The following USH2A variants were observed in gnomAD, a reference collection of about 807,000 sequenced individuals.
USH2A encodes Usher syndrome 2A (autosomal recessive, mild).
In USH2A, 443 loss-of-function variants were observed where a neutral mutation model predicts 538.9. The observed-to-expected ratio is 0.82, with a 90% CI of 0.76 to 0.89. The LOEUF (loss-of-function observed/expected upper bound fraction) is 0.89, where lower values mean the gene tolerates loss of function less well. Among genes scored for constraint, USH2A ranks in the 40% least tolerant of loss-of-function variants. USH2A has a pLI of 0.00. For synonymous variants in USH2A, 2,413 were observed against 2,273.5 expected, an observed-to-expected ratio of 1.06 and a Z score of -1.75; for missense variants, 6,633 against 6,324.8, an observed-to-expected ratio of 1.05 and a Z score of -1.65.
At chr1:216,377,233 C>A (rs2038838861) in intron 3 of USH2A, among the ~76,000 whole-genome samples, 1 of 151,810 alleles carries the variant, frequency 6.6e-6, no homozygotes, top group Non-Finnish European at 1.5e-5. Context: ...AGAATAATAC[C>A]ATTATTGTGG....
At chr1:216,348,325 A>T (rs1337422929) in intron 4 of USH2A, among the ~76,000 whole-genome samples, 1 of 152,176 alleles carries the variant, frequency 6.6e-6, no homozygotes, top group African/African-American at 2.4e-5. Flanking sequence ...ATCTTGACTT[A>T]TAAAGCCAAT....
chr1:215,945,302 C>G (rs373631647), intron 37 of USH2A, among the ~76,000 whole-genome samples: 1 of 152,062 alleles, frequency 6.6e-6, no homozygotes, highest in African/African-American at 2.4e-5. Context: ...CCAGCCTGGA[C>G]AATTATAGAA....
At chr1:216,391,018 A>C (rs1388488453) in intron 3 of USH2A, among the ~76,000 whole-genome samples, 1 of 152,236 alleles carries the variant, frequency 6.6e-6, no homozygotes, top group African/African-American at 2.4e-5. Context: ...ATGCAATATT[A>C]GGGAAGGTAA....
At chr1:216,326,636 C>T (rs7523980) in intron 5 of USH2A, among the ~76,000 whole-genome samples, 92 of 152,270 alleles carry the variant, frequency 6.0e-4, no homozygotes, top group African/African-American at 2.2e-3. Flanking sequence ...ACACCTAACA[C>T]TGTGTTCCAG....
At chr1:216,359,189 A>C (rs115239502) in intron 4 of USH2A, among the ~76,000 whole-genome samples, 107 of 152,228 alleles carry the variant, frequency 7.0e-4, no homozygotes, top group Non-Finnish European at 1.3e-3. Context: ...GAGCATACAC[A>C]AACTAAAGTA....
At chr1:216,124,392 A>G (rs1386889731) in intron 21 of USH2A, among the ~76,000 whole-genome samples, 2 of 152,120 alleles carry the variant, frequency 1.3e-5, no homozygotes, top group Non-Finnish European at 2.9e-5. Flanking sequence ...GGTACTGCAT[A>G]TACTGAACAA....
intron 3 of USH2A, among the ~76,000 whole-genome samples, chr1:216,386,973 C>T (rs1409588120): frequency 6.6e-6 from 1 of 152,190 alleles, no homozygotes; most frequent in Non-Finnish European, 1.5e-5. Flanking sequence ...AGAACTTTAT[C>T]ACAGAACAAC....
At chr1:216,169,685 T>A (rs565610284) in intron 21 of USH2A, among the ~76,000 whole-genome samples, 1 of 152,286 alleles carries the variant, frequency 6.6e-6, no homozygotes, top group South Asian at 2.1e-4. Flanking sequence ...TCTCTTCTGA[T>A]TGTTTCATAA....
Position 215,888,768 on chromosome 1 carries a change from G to A in USH2A, c.7881C>T (p.Ile2627=). The part of the protein sequence containing the change: ...VWTLPGAPEG[I]PSPELFSDTP... ...TATCAGAGAACAGCTCTGGACTTGGGATCCCTTCCGGTGCCCCTGGGAGTG... is the reference window on the plus strand; with the variant it reads ...TATCAGAGAACAGCTCTGGACTTGGAATCCCTTCCGGTGCCCCTGGGAGTG... Residue 2627 remains isoleucine (I), a synonymous_variant, in exon 41 of 72, where the codon ATC becomes ATT. Transcript: ENST00000307340. 2 of 1,614,128 alleles carry A rather than the reference G, an allele frequency of 1.2e-6. No homozygotes were observed. Among genetic ancestry groups the A allele is most frequent in the South Asian group, 1.1e-5 (1 of 91,076 alleles).
chr1:216,115,943 C>T (rs2032998005), intron 21 of USH2A, among the ~76,000 whole-genome samples: 1 of 151,692 alleles, frequency 6.6e-6, no homozygotes, highest in South Asian at 2.1e-4. Context: ...ATTTTACCTT[C>T]ATACCTTGTA....
chr1:216,290,130 G>A (rs1263831840), intron 10 of USH2A, among the ~76,000 whole-genome samples: 1 of 152,078 alleles, frequency 6.6e-6, no homozygotes, highest in African/African-American at 2.4e-5. Context: ...AACGTGACTA[G>A]TGTATAAGAT....
rs549973321 is a variant in USH2A at position 216,261,924 on chromosome 1, C to T, written c.1972-10826G>A. Reference sequence around the variant, plus strand: ...ATGTCACTGCTGCCACAAACTCCCACAGGTTAGGTCAGTGAAGCATTCACA... The same window carrying T: ...ATGTCACTGCTGCCACAAACTCCCATAGGTTAGGTCAGTGAAGCATTCACA... On this transcript the variant is annotated intron_variant, in intron 11 of 71. Transcript: ENST00000307340. Among the ~76,000 whole-genome samples, 9 of 152,268 alleles carry T rather than the reference C, an allele frequency of 5.9e-5. No individual in the cohort carries two copies. In the East Asian group the frequency reaches 1.7e-3, roughly 30 times the overall value.
rs375598314 is a variant in USH2A at position 216,058,911 on chromosome 1, A to C, written c.6050-10264T>G. On this transcript the variant is annotated intron_variant, in intron 30 of 71. Coordinates refer to ENST00000307340, the MANE Select transcript of USH2A (RefSeq NM_206933.4). ...TGAGCAAGGTAGTGAACGAGGCTTAAAATAAATATGAAACATGAAACTTGT... is the reference window on the plus strand; with the variant it reads ...TGAGCAAGGTAGTGAACGAGGCTTACAATAAATATGAAACATGAAACTTGT... Among the ~76,000 whole-genome samples the C allele has an allele frequency of 2.6e-5, 4 of 152,314 alleles. No homozygotes were observed. In the South Asian group the frequency reaches 8.3e-4, roughly 32 times the overall value.
chr1:216,131,296 A>G (rs773228926), intron 21 of USH2A, among the ~76,000 whole-genome samples: 17 of 151,992 alleles, frequency 1.1e-4, no homozygotes, highest in Admixed American at 3.9e-4. Context: ...TTTGCTGTGC[A>G]AAAGCTCTTT....
At chr1:215,674,055 G>T (rs1291035501) in intron 63 of USH2A, 45 bp downstream of exon 63, 3 of 1,613,474 alleles carry the variant, frequency 1.9e-6, no homozygotes, top group Non-Finnish European at 1.7e-6. Context: ...CAATAGAAAG[G>T]TCAGCAGTGG....
intron 15 of USH2A, among the ~76,000 whole-genome samples, chr1:216,211,835 T>C (rs143192636): frequency 2.8e-4 from 43 of 152,286 alleles, no homozygotes; most frequent in African/African-American, 1.0e-3. Flanking sequence ...AAAATGCATT[T>C]GACCCTTTCA....
chr1:215,988,959 G>A (rs890076187), intron 35 of USH2A, among the ~76,000 whole-genome samples: 6 of 152,200 alleles, frequency 3.9e-5, no homozygotes, highest in Non-Finnish European at 7.3e-5. Context: ...ACTTTCACGA[G>A]TAGGAGATGA....
rs577153619 is a variant in USH2A at position 215,762,818 on chromosome 1, C to T, written c.11048-2975G>A. Among the ~76,000 whole-genome samples the T allele has an allele frequency of 2.5e-3, 379 of 152,102 alleles. 2 individuals are homozygous for T. Among genetic ancestry groups the T allele is most frequent in the Non-Finnish European group, 2.6e-3 (174 of 67,988 alleles). ...AAATGAATAGTAGGGAGGGAAGTAA[C>T]CTAGGAGGATGGGGTGGGGTAAACT... On this transcript the variant is annotated intron_variant, in intron 56 of 71. Transcript: ENST00000307340.
rs908735622 is a variant in USH2A at position 215,675,120 on chromosome 1, T to C, written c.12791A>G (p.Glu4264Gly). 1 of 1,614,038 alleles carries C rather than the reference T, an allele frequency of 6.2e-7. No homozygotes were observed. Among genetic ancestry groups the C allele is most frequent in the Non-Finnish European group, 8.5e-7 (1 of 1,179,996 alleles). ...NVVRTLQAPP[E>G]GLSPPVISYV... ...GGATATCACAGGTGGAGAGAGACCT[T>C]CTGGAGGTGCTTGCAATGTCCTCAC... Residue 4264 changes from glutamate to glycine, a missense_variant, in exon 63 of 72, where the codon GAA becomes GGA. Transcript: ENST00000307340.
Sources: gnomAD v4.1 joint callset for allele counts (sites outside exome capture counted in the v4.1 genomes callset) on GRCh38, gnomAD v4.1.1 for gene constraint, MANE v1.5 for transcripts, NCBI Gene and HGNC (gene_info 2026-07-23, HGNC 2026-07-21) for gene names.